Variants in CTNNA1 observed in about 807,000 individuals in gnomAD.
CTNNA1 encodes the protein catenin alpha-1.
CTNNA1 carries 37 observed loss-of-function variants against 98.4 expected under a neutral mutation model. The observed-to-expected ratio is 0.38, with a 90% CI of 0.29 to 0.49. CTNNA1 has a LOEUF of 0.49. Among genes scored for constraint, CTNNA1 ranks in the 20% least tolerant of loss-of-function variants. The probability of loss-of-function intolerance (pLI) is 0.95; values close to 1 mark genes in which losing one functional copy is unlikely to be tolerated. For missense variants in CTNNA1, 761 were observed against 1,147.2 expected (o/e 0.66, Z 4.86); for synonymous variants, 404 against 413.2 (o/e 0.98, Z 0.27).
chr5:138,759,100 G>C (rs1326031128), intron 1 of CTNNA1, among the ~76,000 whole-genome samples: 1 of 152,186 alleles, frequency 6.6e-6, no homozygotes, highest in Non-Finnish European at 1.5e-5. Flanking sequence ...ACCGTGCCCA[G>C]CAACTGGGAC....
rs768193190 is a variant in CTNNA1 at position 138,873,124 on chromosome 5, T to C, written c.1063-13088T>C. The C allele has an allele frequency of 1.2e-6, 2 of 1,614,018 alleles. No homozygotes were observed. The highest frequency in any genetic ancestry group is 3.3e-5 in the Admixed American group (2 of 60,026). ...CATATTCATTATACGGTCCTTGGTC[T>C]GACATGTTTGACATATGGAGTCGTG... On this transcript the variant is annotated intron_variant, in intron 7 of 17. Transcript: ENST00000302763. The surrounding 1 kb of genome is among the most constrained non-coding windows in gnomAD (Gnocchi z 6.1).
chr5:138,796,248 G>A (rs1213074371), intron 3 of CTNNA1, among the ~76,000 whole-genome samples: 2 of 152,170 alleles, frequency 1.3e-5, no homozygotes, highest in African/African-American at 4.8e-5. Flanking sequence ...AAAGACTGAA[G>A]GCTCCTATTG....
At chr5:138,810,725 A>G (rs6596449) in intron 4 of CTNNA1, among the ~76,000 whole-genome samples, 98,495 of 151,494 alleles carry the variant, frequency 0.65, 32,709 homozygotes, top group East Asian at 0.93. Flanking sequence ...CGATTTCTCA[A>G]TCTTTTCCCC....
At position 138,925,416 on chromosome 5, in the gene CTNNA1, C is replaced by G. The variant is rs1401022276; in HGVS notation, c.1899+9C>G. The stretch of plus-strand genomic sequence containing the variant: ...CAGTGCTGATGATAAGGGTGAGTAA[C>G]TGCATTTCAGACGTCTTAACAGCTT... On this transcript the variant is annotated intron_variant, in intron 13 of 17. Transcript: ENST00000302763. 5 of 1,612,722 alleles carry G rather than the reference C, an allele frequency of 3.1e-6. No individual in the cohort carries two copies. Among genetic ancestry groups the G allele is most frequent in the Non-Finnish European group, 4.2e-6 (5 of 1,179,432 alleles).
At chr5:138,794,787 G>A (rs148422983) in intron 3 of CTNNA1, among the ~76,000 whole-genome samples, 20 of 152,320 alleles carry the variant, frequency 1.3e-4, no homozygotes, top group Admixed American at 3.3e-4. Context: ...GGATTATCTT[G>A]AAGTTAGGAG....
At chr5:138,825,482 G>GTTTTTTTTTGTTTTTTTTTTTTTTT (rs1760586979) in intron 6 of CTNNA1, among the ~76,000 whole-genome samples, 3 of 74,114 alleles carry the variant, frequency 4.0e-5, no homozygotes, top group Admixed American at 1.9e-4. Context: ...AGCAGTATAA[G>GTTTTTTTTTGTTTTTTTTTTTTTTT]TTTTTTTTTT....
intron 13 of CTNNA1, among the ~76,000 whole-genome samples, chr5:138,926,217 T>G (rs1764002212): frequency 6.6e-6 from 1 of 152,128 alleles, no homozygotes; most frequent in Non-Finnish European, 1.5e-5. Flanking sequence ...CTGTGGGGTC[T>G]TCAGTCAGTT....
intron 9 of CTNNA1, among the ~76,000 whole-genome samples, chr5:138,894,142 C>T (rs762879336): frequency 4.3e-4 from 65 of 152,070 alleles, no homozygotes; most frequent in Non-Finnish European, 1.2e-4. Context: ...TGGTCTCGAA[C>T]TCCTGACCTC....
At chr5:138,759,873 T>C (rs1249486819) in intron 1 of CTNNA1, among the ~76,000 whole-genome samples, 1 of 152,008 alleles carries the variant, frequency 6.6e-6, no homozygotes, top group Non-Finnish European at 1.5e-5. Flanking sequence ...TCCCCAGAAT[T>C]ACATCTGACT....
chr5:138,842,361 G>A (rs1189587718), intron 7 of CTNNA1, among the ~76,000 whole-genome samples: 1 of 152,158 alleles, frequency 6.6e-6, no homozygotes, highest in African/African-American at 2.4e-5. Context: ...AAACACACTT[G>A]TTGCCAGGAG....
At chr5:138,901,343 A>G (rs1390929188) in intron 9 of CTNNA1, among the ~76,000 whole-genome samples, 1 of 152,006 alleles carries the variant, frequency 6.6e-6, no homozygotes, top group Admixed American at 6.6e-5. Context: ...TTTTTAGTAG[A>G]GGTGAGGTTT....
chr5:138,840,287 C>A (rs1452066724), intron 7 of CTNNA1, among the ~76,000 whole-genome samples: 1 of 152,192 alleles, frequency 6.6e-6, no homozygotes, highest in South Asian at 2.1e-4. Context: ...CCATTGCTTG[C>A]TCTCTGCCTC....
rs535404067 is a variant in CTNNA1, at chr5:138,887,055, G to C, written c.1144-435G>C. 4.6e-5 allele frequency among the ~76,000 whole-genome samples: 7 copies of C among 152,234 alleles called. No homozygotes were observed. The East Asian group carries it at 1.4e-3, about 29-fold the overall frequency. On this transcript the variant is annotated intron_variant, in intron 8 of 17. Transcript: ENST00000302763. The stretch of plus-strand genomic sequence containing the variant: ...AGAACCTTAAGTTTTAAGGTTCATA[G>C]TGTGTGAATCCTTTCAGATAAGCCA...
intron 9 of CTNNA1, among the ~76,000 whole-genome samples, chr5:138,893,511 T>C (rs1194200580): frequency 6.6e-6 from 1 of 152,110 alleles, no homozygotes; most frequent in Admixed American, 6.5e-5. Context: ...GGCTGCCCCC[T>C]TCCATTTGTG....
intron 1 of CTNNA1, among the ~76,000 whole-genome samples, chr5:138,774,776 C>T (rs1373841906): frequency 1.3e-5 from 2 of 152,102 alleles, no homozygotes; most frequent in Admixed American, 6.5e-5. Flanking sequence ...CGCCCACCAC[C>T]GCACCCAGCT....
At chr5:138,829,202 G>A (rs982909864) in intron 7 of CTNNA1, among the ~76,000 whole-genome samples, 1 of 152,130 alleles carries the variant, frequency 6.6e-6, no homozygotes, top group Non-Finnish European at 1.5e-5. Context: ...AATGGAAAAA[G>A]TGGTTTTTAA....
chr5:138,858,695 A>G (rs537874620), intron 7 of CTNNA1, among the ~76,000 whole-genome samples: 3 of 147,750 alleles, frequency 2.0e-5, no homozygotes, highest in South Asian at 4.3e-4. Context: ...TCCCGCATTC[A>G]AGCAATTCTC....
chr5:138,780,467 A>T (rs1205065887), intron 1 of CTNNA1, among the ~76,000 whole-genome samples: 10 of 151,998 alleles, frequency 6.6e-5, no homozygotes, highest in Non-Finnish European at 2.9e-5. Context: ...TGCTGGGATT[A>T]CAGGCGTGAG....
At chr5:138,861,607 A>G (rs1764289654) in intron 7 of CTNNA1, among the ~76,000 whole-genome samples, 1 of 152,224 alleles carries the variant, frequency 6.6e-6, no homozygotes, top group Non-Finnish European at 1.5e-5. Flanking sequence ...GCAAGAGAGC[A>G]ACTTTTATTA....
Sources: allele counts gnomAD v4.1 joint callset (sites outside exome capture counted in the v4.1 genomes callset), GRCh38; gene constraint gnomAD v4.1.1; non-coding constraint Gnocchi (gnomAD v3.1); transcripts MANE v1.5; gene names NCBI Gene and HGNC (gene_info 2026-07-23, HGNC 2026-07-21).